The following JHY variants were observed in gnomAD, a reference collection of about 807,000 sequenced individuals.
The protein encoded by JHY is junctional cadherin complex regulator, also known as jhy protein homolog.
JHY carries 69 observed loss-of-function variants against 78.0 expected under a neutral mutation model. The observed-to-expected ratio is 0.88, with a 90% CI of 0.73 to 1.08. The LOEUF (loss-of-function observed/expected upper bound fraction) is 1.08, where lower values mean the gene tolerates loss of function less well. Among genes scored for constraint, JHY ranks in the 50% least tolerant of loss-of-function variants. The pLI, the probability that JHY is intolerant of heterozygous loss-of-function variation, is 0.00. For synonymous variants in JHY, 368 were observed against 342.6 expected (o/e 1.07, Z -0.82); for missense variants, 944 against 927.8 (o/e 1.02, Z -0.23).
rs565288133 is a variant in JHY at position 122,899,014 on chromosome 11, G to T, written c.345-4911G>T. ...CTTCTCAGCCTTAGTTCTGAGTCAC[G>T]CCAGCACTTCCTCCAGAAGGCTTTC... On this transcript the variant is annotated intron_variant, in intron 2 of 8. Coordinates refer to ENST00000227349, the MANE Select transcript of JHY (RefSeq NM_024806.4). Among the ~76,000 whole-genome samples, 158 of 152,136 alleles carry T rather than the reference G, an allele frequency of 1.0e-3. 1 individual carries two copies. The highest frequency in any genetic ancestry group is 1.2e-3 in the Non-Finnish European group (83 of 67,994).
intron 4 of JHY, among the ~76,000 whole-genome samples, chr11:122,926,207 G>GAAAAAA (rs1188307889): frequency 1.3e-5 from 1 of 76,240 alleles, no homozygotes; most frequent in African/African-American, 3.9e-5. Flanking sequence ...AAAAAAAAAA[G>GAAAAAA]AAAAAAGAAA....
chr11:122,961,378 G>A lies in JHY; in HGVS notation c.*1933G>A, dbSNP rs1024481843. On this transcript the variant is annotated 3_prime_UTR_variant, in exon 9 of 9. Transcript: ENST00000227349. Reference sequence around the variant, plus strand: ...CTCTCGCTCTGTCACCCAGGCTGGAGTGCAGTGGCACAATCTCGGTTCACT... The same window carrying A: ...CTCTCGCTCTGTCACCCAGGCTGGAATGCAGTGGCACAATCTCGGTTCACT... Among the ~76,000 whole-genome samples the A allele has an allele frequency of 6.9e-6, 1 of 145,314 alleles. No homozygotes were observed. Among genetic ancestry groups the A allele is most frequent in the Admixed American group, 6.8e-5 (1 of 14,608 alleles).
In JHY at chr11:122,904,268, A is replaced by T; in HGVS notation, c.688A>T (p.Lys230Ter). 1 of 1,614,168 alleles carries T rather than the reference A, an allele frequency of 6.2e-7. No individual in the cohort carries two copies. Among genetic ancestry groups the T allele is most frequent in the African/African-American group, 1.3e-5 (1 of 75,042 alleles). Residue 230 changes from lysine (K) to a stop codon, truncating the protein, a stop_gained, in exon 3 of 9, where the codon AAG (lysine) becomes TAG (stop). Coordinates refer to ENST00000227349, the MANE Select transcript of JHY (RefSeq NM_024806.4). LOFTEE classifies it high-confidence loss of function. The part of the protein sequence containing the change: ...EKSSSLSPYV[K>*]SSSSHNEVFL... ...GTCGAGCAGCCTTTCTCCGTACGTGAAGAGCTCAAGTTCACATAACGAGGT... is the reference window on the plus strand; with the variant it reads ...GTCGAGCAGCCTTTCTCCGTACGTGTAGAGCTCAAGTTCACATAACGAGGT...
chr11:122,956,801 T>C (rs936495245), intron 7 of JHY, among the ~76,000 whole-genome samples: 1 of 152,226 alleles, frequency 6.6e-6, no homozygotes, highest in Non-Finnish European at 1.5e-5. Flanking sequence ...TCAGTTAGTT[T>C]TGAAGGCCCG....
intron 7 of JHY, 77 bp downstream of exon 7, chr11:122,956,653 C>A: frequency 8.2e-7 from 1 of 1,215,064 alleles, no homozygotes; most frequent in South Asian, 1.3e-5. Flanking sequence ...TGAAGACGCC[C>A]CCCAGAATTA....
At chr11:122,897,881 C>T (rs1202289223) in intron 2 of JHY, among the ~76,000 whole-genome samples, 1 of 152,206 alleles carries the variant, frequency 6.6e-6, no homozygotes, top group East Asian at 1.9e-4. Context: ...TTTCCTTAAA[C>T]TGAAGACTAC....
At chr11:122,948,929 C>T (rs1238650084) in intron 6 of JHY, among the ~76,000 whole-genome samples, 2 of 151,956 alleles carry the variant, frequency 1.3e-5, no homozygotes, top group Non-Finnish European at 2.9e-5. Flanking sequence ...ACTAAAAATA[C>T]AAAAATTAAC....
chr11:122,921,639 T>A (rs1194757963), intron 3 of JHY, among the ~76,000 whole-genome samples: 1 of 152,196 alleles, frequency 6.6e-6, no homozygotes, highest in Non-Finnish European at 1.5e-5. Context: ...TCTAATACTT[T>A]TATAAGGATC....
rs1254885065 is a variant in JHY, at chr11:122,961,482, G to A, written c.*2037G>A. Among the ~76,000 whole-genome samples, 3 of 152,112 alleles carry A rather than the reference G, an allele frequency of 2.0e-5. No homozygotes were observed. The highest frequency in any genetic ancestry group is 7.2e-5 in the African/African-American group (3 of 41,430). Reference sequence around the variant, plus strand: ...CAATTCTCCTGTCTCAGCCTCCCGAGTAGCCGAGATTGCAAGCGTGCACTA... The same window carrying A: ...CAATTCTCCTGTCTCAGCCTCCCGAATAGCCGAGATTGCAAGCGTGCACTA... On this transcript the variant is annotated 3_prime_UTR_variant, in exon 9 of 9. Coordinates refer to ENST00000227349, the MANE Select transcript of JHY (RefSeq NM_024806.4).
chr11:122,901,611 C>T (rs1297904642), intron 2 of JHY, among the ~76,000 whole-genome samples: 5 of 151,710 alleles, frequency 3.3e-5, no homozygotes, highest in African/African-American at 7.3e-5. Context: ...CGGTGGCTCA[C>T]GCCTGTAATC....
At position 122,883,661 on chromosome 11, in the gene JHY, G is replaced by A. The variant is rs549290080; in HGVS notation, c.-90+689G>A. Among the ~76,000 whole-genome samples the A allele has an allele frequency of 1.3e-5, 2 of 151,894 alleles. No individual in the cohort carries two copies. Among genetic ancestry groups the A allele is most frequent in the South Asian group, 4.2e-4 (2 of 4,818 alleles). ...AACGCCCACTTTCTAACTTATTCAA[G>A]CTGTCAGCTGTTCCTTCTTCCACCC... On this transcript the variant is annotated intron_variant, in intron 1 of 8. Coordinates refer to ENST00000227349, the MANE Select transcript of JHY (RefSeq NM_024806.4). The surrounding 1 kb of genome is among the most constrained non-coding windows in gnomAD (Gnocchi z 4.4).
rs961069697 is a variant in JHY at position 122,960,979 on chromosome 11, TA to T, written c.*1537del. ...CGTTGAAAGGAACAAGAGCACATGA[TA>T]AATTGGGTGCAGAGCATCTCTGCAC... On this transcript the variant is annotated 3_prime_UTR_variant, in exon 9 of 9. Coordinates refer to ENST00000227349, the MANE Select transcript of JHY (RefSeq NM_024806.4). 1.2e-5 allele frequency: 10 copies of T among 803,564 alleles called. No individual in the cohort carries two copies. The African/African-American group carries it at 1.5e-4, about 12-fold the overall frequency. 49.8% of individuals were successfully genotyped at this position (803,564 alleles called of 1,614,324 possible).
intron 2 of JHY, among the ~76,000 whole-genome samples, chr11:122,891,792 A>C (rs1442375052): frequency 1.3e-5 from 2 of 152,194 alleles, no homozygotes; most frequent in Admixed American, 6.5e-5. Context: ...ATACGTAATT[A>C]CTAGATAGTA....
At chr11:122,930,245 T>A (rs1863608557) in intron 4 of JHY, among the ~76,000 whole-genome samples, 1 of 152,076 alleles carries the variant, frequency 6.6e-6, no homozygotes, top group Non-Finnish European at 1.5e-5. Context: ...CACGCCCAGC[T>A]AATTTTTGTA....
chr11:122,886,440 A>G (rs1008929799), intron 2 of JHY, among the ~76,000 whole-genome samples: 2 of 152,174 alleles, frequency 1.3e-5, no homozygotes, highest in African/African-American at 4.8e-5. Flanking sequence ...CTTCCTGTCC[A>G]TATTCCAAGT....
In JHY at chr11:122,934,800, A is replaced by G. The variant is rs373169612; in HGVS notation, c.1359A>G (p.Leu453=). 123 of 1,614,226 alleles carry G rather than the reference A, an allele frequency of 7.6e-5. 1 individual carries two copies. In the African/African-American group the frequency reaches 1.6e-3, roughly 21 times the overall value. The change falls in exon 5 of 9, where the codon TTA becomes TTG. Residue 453 remains leucine (L), a synonymous_variant. Coordinates refer to ENST00000227349, the MANE Select transcript of JHY (RefSeq NM_024806.4). The part of the protein sequence containing the change: ...APPKQAFDKV[L]SKNSTGCDSG... ...CAAAACAGGCTTTTGACAAGGTCTT[A>G]TCTAAAAACTCTACTGGATGTGACT... is the stretch of plus-strand genomic sequence containing the variant.
chr11:122,891,603 G>A (rs1386657450), intron 2 of JHY, among the ~76,000 whole-genome samples: 1 of 150,922 alleles, frequency 6.6e-6, no homozygotes, highest in African/African-American at 2.4e-5. Flanking sequence ...CAGCCATACA[G>A]TACTTTATAT....
Position 122,960,703 on chromosome 11 carries a change from C to T in JHY, c.*1258C>T. On this transcript the variant is annotated 3_prime_UTR_variant, in exon 9 of 9. Transcript: ENST00000227349. ...TATGGTGCCTCTATTGGAGAATCTG[C>T]TTATCAACTCAATGAGCAAAACATT... 1 of 413,882 alleles carries T rather than the reference C, an allele frequency of 2.4e-6. No individual in the cohort carries two copies. The highest frequency in any genetic ancestry group is 4.8e-6 in the Non-Finnish European group (1 of 206,546). 25.6% of individuals were successfully genotyped at this position (413,882 alleles called of 1,614,324 possible).
chr11:122,952,798 G>A (rs1864116456), intron 6 of JHY, among the ~76,000 whole-genome samples: 1 of 152,216 alleles, frequency 6.6e-6, no homozygotes, highest in Non-Finnish European at 1.5e-5. Context: ...TTGGATTTAT[G>A]ACTTGGACAT....
Sources: gnomAD v4.1 joint callset for allele counts (sites outside exome capture counted in the v4.1 genomes callset) on GRCh38, gnomAD v4.1.1 for gene constraint, Gnocchi (gnomAD v3.1) non-coding constraint, MANE v1.5 for transcripts, NCBI Gene and HGNC (gene_info 2026-07-23, HGNC 2026-07-21) for gene names.